The following HOOK2 variants were observed in gnomAD, a reference collection of about 807,000 sequenced individuals.
The protein encoded by HOOK2 is hook microtubule tethering protein 2, also known as protein Hook homolog 2.
Under a neutral mutation model 111.9 loss-of-function variants are expected in HOOK2, and 108 were observed. That is an observed-to-expected ratio of 0.96 (90% CI 0.83 to 1.13). HOOK2 has a LOEUF of 1.13. Among genes scored for constraint, HOOK2 ranks in the 50% most tolerant of loss-of-function variants. The pLI, the probability that HOOK2 is intolerant of heterozygous loss-of-function variation, is 0.00. For synonymous variants in HOOK2, 405 were observed against 394.3 expected (o/e 1.03, Z -0.32); for missense variants, 978 against 951.3 (o/e 1.03, Z -0.37).
intron 11 of HOOK2, 21 bp downstream of exon 11, chr19:12,769,860 C>A (rs1233837650): frequency 7.1e-7 from 1 of 1,408,570 alleles, no homozygotes; most frequent in African/African-American, 1.5e-5. Context: ...GGCCCCGGCC[C>A]TAACCCCGCC....
chr19:12,780,451 G>A (rs908014479), upstream of HOOK2, among the ~76,000 whole-genome samples: 15 of 151,302 alleles, frequency 9.9e-5, no homozygotes, highest in African/African-American at 3.4e-4. Context: ...CCGCCTCCCG[G>A]GTTCACACCA....
intron 6 of HOOK2, 130 bp from the exon 7 acceptor site, chr19:12,772,382 A>G: frequency 8.8e-7 from 1 of 1,132,986 alleles, no homozygotes; most frequent in Non-Finnish European, 1.3e-6. Flanking sequence ...CCCAGCCCAG[A>G]GGCTGCCCTC....
chr19:12,768,229 G>A, intron 11 of HOOK2, 106 bp from the exon 12 acceptor site: 1 of 907,456 alleles, frequency 1.1e-6, no homozygotes, highest in Non-Finnish European at 1.7e-6. Context: ...TTATTTTTTT[G>A]ACTTTACTAT....
chr19:12,774,772 G>A (rs1968445056), intron 2 of HOOK2, 31 bp from the exon 3 acceptor site: 1 of 1,612,704 alleles, frequency 6.2e-7, no homozygotes. Context: ...TGAGCAGACT[G>A]GGGGACACTT....
intron 7 of HOOK2, chr19:12,771,901 A>AAAAAG: frequency 2.5e-6 from 1 of 398,994 alleles, no homozygotes; most frequent in Non-Finnish European, 4.5e-6. Flanking sequence ...AAAAAAAAAG[A>AAAAAG]AAAAGAAAAG....
At chr19:12,780,583 C>G (rs898869124), upstream of HOOK2, among the ~76,000 whole-genome samples, 10 of 147,192 alleles carry the variant, frequency 6.8e-5, no homozygotes, top group African/African-American at 2.5e-4. Context: ...GTCTCGATCT[C>G]CTGACCTCAT....
rs1195783933 is a variant in HOOK2, at chr19:12,774,681, G to T, written c.192C>A (p.Asn64Lys). The part of the protein sequence containing the change: ...LQGISEDPGP[N>K]WKLKVSNLKM... ...GTCCACTTGTCACCTTCAGCTTCCA[G>T]TTGGGACCTGGATCTTCCGAGATGC... The change falls in exon 3 of 23, where the codon AAC becomes AAA. Residue 64 changes from asparagine to lysine, a missense_variant. Coordinates refer to ENST00000397668, the MANE Select transcript of HOOK2 (RefSeq NM_013312.3). The T allele has an allele frequency of 3.1e-6, 5 of 1,614,160 alleles. No individual in the cohort carries two copies. Among genetic ancestry groups the T allele is most frequent in the African/African-American group, 1.3e-5 (1 of 75,042 alleles).
intron 18 of HOOK2, chr19:12,765,476 G>A (rs181971656): frequency 2.2e-4 from 139 of 639,404 alleles, no homozygotes; most frequent in African/African-American, 1.8e-3. Context: ...GGCCAGGCGC[G>A]GTGGCTCATG....
Position 12,765,947 on chromosome 19 carries a change from G to C in HOOK2, c.1579C>G (p.Gln527Glu). Reference protein sequence around the residue: ...VEDLQKALQEQGGKTEDAISI... With the variant: ...VEDLQKALQEEGGKTEDAISI... ...CTCACATCTTCAGTCTTGCCCCCCTGCTCCTGCAGGGCTTTCTGCAGGTCC... is the reference window on the plus strand; with the variant it reads ...CTCACATCTTCAGTCTTGCCCCCCTCCTCCTGCAGGGCTTTCTGCAGGTCC... Residue 527 changes from glutamine (Q) to glutamate (E), a missense_variant, in exon 16 of 23, where the codon CAG becomes GAG. Coordinates refer to ENST00000397668, the MANE Select transcript of HOOK2 (RefSeq NM_013312.3). The C allele has an allele frequency of 6.2e-7, 1 of 1,614,078 alleles. No individual in the cohort carries two copies. The highest frequency in any genetic ancestry group is 2.2e-5 in the East Asian group (1 of 44,884).
intron 3 of HOOK2, chr19:12,792,142 C>T: frequency 6.3e-7 from 1 of 1,597,000 alleles, no homozygotes; most frequent in East Asian, 2.3e-5. Context: ...GCAGGGGGCG[C>T]AGGGGGCGGC....
rs1240259223 is a variant in HOOK2, at chr19:12,772,990, T to A, written c.255+4A>T. The A allele has an allele frequency of 2.5e-6, 4 of 1,614,116 alleles. No homozygotes were observed. The highest frequency in any genetic ancestry group is 1.7e-5 in the Admixed American group (1 of 60,018). ...ACCCCCTGAATCCCTTTACAGTTAC[T>A]CACATCCTGGGAGTACTCTACTAGG... On this transcript the variant is annotated splice_donor_region_variant and intron_variant, in intron 4 of 22. Transcript: ENST00000397668.
chr19:12,782,256 A>T (rs959253074), upstream of HOOK2, among the ~76,000 whole-genome samples: 1 of 152,134 alleles, frequency 6.6e-6, no homozygotes, highest in Non-Finnish European at 1.5e-5. Flanking sequence ...TATGTGACTG[A>T]CGTGCCTGTG....
intron 14 of HOOK2, among the ~76,000 whole-genome samples, chr19:12,767,109 G>A: frequency 6.6e-6 from 1 of 152,160 alleles, no homozygotes; most frequent in South Asian, 2.1e-4. Flanking sequence ...GGACGCTGGG[G>A]GAAAGGATCA....
chr19:12,788,928 A>G (rs1391249907), intron 3 of HOOK2, among the ~76,000 whole-genome samples: 1 of 151,850 alleles, frequency 6.6e-6, no homozygotes, highest in African/African-American at 2.4e-5. Flanking sequence ...GGGACCCTCC[A>G]AGGACGGGAC....
At chr19:12,767,739 A>C (rs942510710) in intron 13 of HOOK2, 77 bp downstream of exon 13, 1 of 1,345,684 alleles carries the variant, frequency 7.4e-7, no homozygotes, top group Non-Finnish European at 1.0e-6. Context: ...CAACCTAGAC[A>C]TGCACTGGGA....
rs1216636946 is a variant in HOOK2 at position 12,763,278 on chromosome 19, T to C, written c.*4A>G. ...AGCCCAGGCTGGCTTGATTGTGAGGTCTGTCAGTGCTTGTCAGTGGGGCGA... is the reference window on the plus strand; with the variant it reads ...AGCCCAGGCTGGCTTGATTGTGAGGCCTGTCAGTGCTTGTCAGTGGGGCGA... On this transcript the variant is annotated 3_prime_UTR_variant, in exon 23 of 23. Transcript: ENST00000397668. 6.2e-7 allele frequency: 1 copy of C among 1,611,776 alleles called. No individual in the cohort carries two copies.
chr19:12,769,924 C>A lies in HOOK2; in HGVS notation c.1061G>T (p.Arg354Leu), dbSNP rs760292492. 4.5e-6 allele frequency: 7 copies of A among 1,543,424 alleles called. No individual in the cohort carries two copies. The South Asian group carries it at 8.4e-5, about 18-fold the overall frequency. ...CAGCTGGGCGCGCAGGGAGCCCGCT[C>A]GGCGTAGCTCATCCTCCAGTTGTCG... ...RTRQLEDELR[R>L]AGSLRAQLEA... Residue 354 changes from arginine to leucine, a missense_variant, in exon 11 of 23, where the codon CGA becomes CTA. By Grantham distance (102) the Arg-to-Leu change is moderately radical. Coordinates refer to ENST00000397668, the MANE Select transcript of HOOK2 (RefSeq NM_013312.3).
Position 12,767,859 on chromosome 19 carries a change from C to G in HOOK2, c.1260G>C (p.Glu420Asp). The change falls in exon 13 of 23, where the codon GAG (glutamate) becomes GAC (aspartate). Residue 420 changes from glutamate (E) to aspartate (D), a missense_variant. By Grantham distance (45) the Glu-to-Asp change is conservative. Coordinates refer to ENST00000397668, the MANE Select transcript of HOOK2 (RefSeq NM_013312.3). ...ERDSLREANE[E>D]LRCAQLQPRG... ...GCGGCTGCAGCTGGGCGCAGCGCAG[C>G]TCCTCATTGGCCTCCCGCAAGGAGT... 1 of 1,607,268 alleles carries G rather than the reference C, an allele frequency of 6.2e-7. No individual in the cohort carries two copies. The highest frequency in any genetic ancestry group is 8.5e-7 in the Non-Finnish European group (1 of 1,179,934).
At chr19:12,770,427 G>A (rs1240120552) in intron 10 of HOOK2, among the ~76,000 whole-genome samples, 1 of 151,818 alleles carries the variant, frequency 6.6e-6, no homozygotes, top group African/African-American at 2.4e-5. Context: ...AGAGGACTGC[G>A]GGGTCCTTAG....
Sources: gnomAD v4.1 joint callset for allele counts (sites outside exome capture counted in the v4.1 genomes callset) on GRCh38, gnomAD v4.1.1 for gene constraint, MANE v1.5 for transcripts, NCBI Gene and HGNC (gene_info 2026-07-23, HGNC 2026-07-21) for gene names.